The following PTPRD variants were observed in gnomAD, a reference collection of about 807,000 sequenced individuals.
The protein encoded by PTPRD is protein tyrosine phosphatase receptor type D, also known as receptor-type tyrosine-protein phosphatase delta.
Under a neutral mutation model 214.5 loss-of-function variants are expected in PTPRD, and 34 were observed. That is an observed-to-expected ratio of 0.16 (90% CI 0.12 to 0.21). The LOEUF is 0.21. Among genes scored for constraint, PTPRD ranks in the 10% least tolerant of loss-of-function variants. The pLI, the probability that PTPRD is intolerant of heterozygous loss-of-function variation, is 1.00. For synonymous variants in PTPRD, 1,128 were observed against 845.7 expected (o/e 1.33, Z -5.79); for missense variants, 2,545 against 2,398.7 (o/e 1.06, Z -1.27).
intron 14 of PTPRD, among the ~76,000 whole-genome samples, chr9:8,546,408 A>C (rs1338124539): frequency 6.6e-6 from 1 of 152,230 alleles, no homozygotes; most frequent in African/African-American, 2.4e-5. Flanking sequence ...AATAGCATTT[A>C]CTATTTGACT....
intron 8 of PTPRD, among the ~76,000 whole-genome samples, chr9:9,547,616 G>GGCATGTCACAAGACT (rs1175027239): frequency 5.3e-5 from 8 of 151,976 alleles, no homozygotes; most frequent in African/African-American, 1.9e-4. Context: ...TTAGTCTTGT[G>GGCATGTCACAAGACT]ATGACATGCC....
At chr9:8,762,188 T>G (rs935448429) in intron 11 of PTPRD, among the ~76,000 whole-genome samples, 1 of 152,152 alleles carries the variant, frequency 6.6e-6, no homozygotes, top group Non-Finnish European at 1.5e-5. Context: ...TTCTCAATAA[T>G]TTTTCCTCTG....
At chr9:9,624,828 T>C (rs2095366185) in intron 7 of PTPRD, among the ~76,000 whole-genome samples, 2 of 63,218 alleles carry the variant, frequency 3.2e-5, no homozygotes, top group South Asian at 8.2e-4. Flanking sequence ...AATAGATGCA[T>C]TGAAAAAAAA....
At chr9:9,429,606 A>C (rs1192342937) in intron 8 of PTPRD, among the ~76,000 whole-genome samples, 1 of 152,182 alleles carries the variant, frequency 6.6e-6, no homozygotes, top group Admixed American at 6.5e-5. Flanking sequence ...AAAAAAAGAG[A>C]ATTTTAGACC....
chr9:8,494,853 T>G (rs1369407228), intron 26 of PTPRD, among the ~76,000 whole-genome samples: 1 of 152,170 alleles, frequency 6.6e-6, no homozygotes, highest in African/African-American at 2.4e-5. Flanking sequence ...AAGTGGTGGG[T>G]GCACTTCCTT....
At chr9:9,434,677 G>C (rs1429274505) in intron 8 of PTPRD, among the ~76,000 whole-genome samples, 2 of 151,804 alleles carry the variant, frequency 1.3e-5, no homozygotes, top group African/African-American at 4.8e-5. Flanking sequence ...AAAATAGACA[G>C]ACCAATAGAA....
In PTPRD at chr9:9,156,905, G is replaced by A. The variant is rs149862622; in HGVS notation, c.-143+26399C>T. ...ATGAGGCCTCTCTAGATTCAAAGGA[G>A]ATAAGAAATATGTAATTCCTGCCTA... On this transcript the variant is annotated intron_variant, in intron 10 of 45. Coordinates refer to ENST00000381196, the MANE Select transcript of PTPRD (RefSeq NM_002839.4). Among the ~76,000 whole-genome samples, 64 of 152,302 alleles carry A rather than the reference G, an allele frequency of 4.2e-4. No individual in the cohort carries two copies. In the East Asian group the frequency reaches 0.012, roughly 28 times the overall value.
chr9:8,364,027 A>T (rs970372655), intron 39 of PTPRD, among the ~76,000 whole-genome samples: 30 of 152,238 alleles, frequency 2.0e-4, no homozygotes, highest in Non-Finnish European at 4.3e-4. Flanking sequence ...AATACTTGCT[A>T]AACATTTGTT....
intron 8 of PTPRD, among the ~76,000 whole-genome samples, chr9:9,452,550 G>C (rs908388741): frequency 6.6e-6 from 1 of 151,088 alleles, no homozygotes; most frequent in African/African-American, 2.4e-5. Flanking sequence ...AACCACAGAA[G>C]TTGGCTTAAC....
chr9:9,818,263 C>T (rs1415793870), intron 5 of PTPRD, among the ~76,000 whole-genome samples: 1 of 152,110 alleles, frequency 6.6e-6, no homozygotes, highest in Non-Finnish European at 1.5e-5. Flanking sequence ...TGTTCTATAT[C>T]CCCTAGACAA....
intron 37 of PTPRD, among the ~76,000 whole-genome samples, chr9:8,387,506 G>C (rs1269507180): frequency 6.6e-6 from 1 of 152,218 alleles, no homozygotes; most frequent in Non-Finnish European, 1.5e-5. Flanking sequence ...TTTTGCAAAT[G>C]ACTGCTTGTT....
At chr9:9,261,206 TA>T (rs1324649357) in intron 9 of PTPRD, among the ~76,000 whole-genome samples, 1 of 151,860 alleles carries the variant, frequency 6.6e-6, no homozygotes, top group African/African-American at 2.4e-5. Context: ...TGAAATATAA[TA>T]TTATTAAGCA....
At chr9:10,298,624 G>A (rs1385371958) in intron 3 of PTPRD, among the ~76,000 whole-genome samples, 1 of 151,830 alleles carries the variant, frequency 6.6e-6, no homozygotes, top group African/African-American at 2.4e-5. Context: ...CAAAATACAA[G>A]GTAGACCCAT....
chr9:8,320,126 G>C (rs139314288), intron 44 of PTPRD, among the ~76,000 whole-genome samples, 160 bp from the exon 45 acceptor site: 7 of 151,996 alleles, frequency 4.6e-5, no homozygotes, highest in African/African-American at 1.4e-4. Context: ...GATTACTCTT[G>C]GGATACTGAG....
rs571780728 is a variant in PTPRD at position 8,486,316 on chromosome 9, G to C, written c.2501C>G (p.Thr834Ser). The change falls in exon 28 of 46, where the codon ACT (threonine) becomes AGT (serine). Residue 834 changes from threonine (T) to serine (S), a missense_variant. By Grantham distance (58) the Thr-to-Ser change is moderately conservative. Coordinates refer to ENST00000381196, the MANE Select transcript of PTPRD (RefSeq NM_002839.4). Reference sequence around the variant, plus strand: ...CTGAATAAGAGCAGTATTCATCTGAGTGTGGTTAATCACAAGCCGAGGTTT... The same window carrying C: ...CTGAATAAGAGCAGTATTCATCTGACTGTGGTTAATCACAAGCCGAGGTTT... Reference protein sequence around the residue: ...PGKPRLVINHTQMNTALIQWH... With the variant: ...PGKPRLVINHSQMNTALIQWH... The C allele has an allele frequency of 6.2e-7, 1 of 1,614,174 alleles. No homozygotes were observed. Among genetic ancestry groups the C allele is most frequent in the African/African-American group, 1.3e-5 (1 of 75,054 alleles).
At chr9:10,463,736 A>C (rs2098974612) in intron 2 of PTPRD, among the ~76,000 whole-genome samples, 2 of 152,114 alleles carry the variant, frequency 1.3e-5, no homozygotes. Context: ...CAGAGGAATA[A>C]CTTCAGAGTC....
chr9:9,391,474 G>A (rs563046121), intron 9 of PTPRD, among the ~76,000 whole-genome samples: 3 of 152,240 alleles, frequency 2.0e-5, no homozygotes, highest in Admixed American at 6.5e-5. Flanking sequence ...AATTATGTAT[G>A]CATGTGCCAA....
At chr9:10,598,546 G>A (rs766453047) in intron 2 of PTPRD, among the ~76,000 whole-genome samples, 6 of 151,848 alleles carry the variant, frequency 4.0e-5, no homozygotes, top group Non-Finnish European at 7.4e-5. Flanking sequence ...TGGACTGGAC[G>A]TTGTCACCTG....
intron 2 of PTPRD, among the ~76,000 whole-genome samples, chr9:10,442,565 A>G (rs1021199715): frequency 1.3e-5 from 2 of 151,578 alleles, no homozygotes; most frequent in Admixed American, 6.6e-5. Flanking sequence ...TTTCCTCCAG[A>G]TAGGTAAATT....
Sources: allele counts gnomAD v4.1 joint callset (sites outside exome capture counted in the v4.1 genomes callset), GRCh38; gene constraint gnomAD v4.1.1; transcripts MANE v1.5; gene names NCBI Gene and HGNC (gene_info 2026-07-23, HGNC 2026-07-21).